PLCL1: variants seen among roughly 807,000 people sequenced by gnomAD.
The protein encoded by PLCL1 is inactive phospholipase C-like protein 1.
In PLCL1, 41 loss-of-function variants were observed where a neutral mutation model predicts 84.4. The ratio of observed to expected loss-of-function variants is 0.49; its 90% confidence interval spans 0.38 to 0.63. The LOEUF (loss-of-function observed/expected upper bound fraction) is 0.63, where lower values mean the gene tolerates loss of function less well. Ranked by LOEUF, PLCL1 falls within the 30% of genes least tolerant of loss-of-function variation. PLCL1 has a pLI of 0.00. For synonymous variants in PLCL1, 490 were observed against 488.3 expected, an observed-to-expected ratio of 1.00 and a Z score of -0.05; for missense variants, 1,206 against 1,367.8, an observed-to-expected ratio of 0.88 and a Z score of 1.87.
At chr2:198,058,850 G>A (rs1159939067) in intron 1 of PLCL1, among the ~76,000 whole-genome samples, 2 of 152,060 alleles carry the variant, frequency 1.3e-5, no homozygotes, top group African/African-American at 4.8e-5. Flanking sequence ...TCAGGCTGAA[G>A]ACAGAATTAA....
At position 197,810,353 on chromosome 2, in the gene PLCL1, G is replaced by C. The variant is rs1465041687; in HGVS notation, c.240+5014G>C. 16 of 887,336 alleles carry C rather than the reference G, an allele frequency of 1.8e-5. No individual in the cohort carries two copies. The Admixed American group carries it at 3.5e-4, about 20-fold the overall frequency. 55.0% of individuals were successfully genotyped at this position (887,336 alleles called of 1,614,324 possible). A position where few individuals can be genotyped will look rare whatever the true frequency, so the allele number is the denominator to read the frequency against. The stretch of plus-strand genomic sequence containing the variant: ...GAGCTTTGTCTTACTTTGATGAAAG[G>C]TTTTTGAAGTGTCTGTTGATTAGTG... On this transcript the variant is annotated intron_variant, in intron 1 of 5. Coordinates refer to ENST00000428675, the MANE Select transcript of PLCL1 (RefSeq NM_006226.4).
chr2:198,086,280 C>A, intron 2 of PLCL1, 48 bp downstream of exon 2: 1 of 1,272,726 alleles, frequency 7.9e-7, no homozygotes. Flanking sequence ...CTTATTCCTA[C>A]CCGTATAATG....
chr2:197,871,544 C>T (rs1381487808), intron 1 of PLCL1, among the ~76,000 whole-genome samples: 1 of 152,014 alleles, frequency 6.6e-6, no homozygotes, highest in Admixed American at 6.6e-5. Context: ...TTCATTTTCT[C>T]ATGGTTTTGG....
intron 5 of PLCL1, among the ~76,000 whole-genome samples, chr2:198,143,059 G>C (rs1040963155): frequency 1.3e-5 from 2 of 152,026 alleles, no homozygotes; most frequent in South Asian, 2.1e-4. Flanking sequence ...CCTCTGTTTA[G>C]GGAGAATAAG....
chr2:197,881,992 C>T (rs939249365), intron 1 of PLCL1, among the ~76,000 whole-genome samples: 1 of 152,050 alleles, frequency 6.6e-6, no homozygotes, highest in East Asian at 1.9e-4. Context: ...CATAGAACCT[C>T]GTATACATTA....
intron 5 of PLCL1, among the ~76,000 whole-genome samples, chr2:198,144,665 T>C (rs1328377240): frequency 6.6e-6 from 1 of 152,140 alleles, no homozygotes; most frequent in Non-Finnish European, 1.5e-5. Flanking sequence ...ATGGCCCAGA[T>C]AAAAATTGGT....
intron 1 of PLCL1, among the ~76,000 whole-genome samples, chr2:198,032,373 A>G (rs1691450195): frequency 6.6e-6 from 1 of 152,222 alleles, no homozygotes; most frequent in Non-Finnish European, 1.5e-5. Context: ...TGCCATTTTA[A>G]TTAAAGCTTC....
intron 1 of PLCL1, among the ~76,000 whole-genome samples, chr2:197,967,376 T>C (rs1207178739): frequency 6.6e-6 from 1 of 152,152 alleles, no homozygotes; most frequent in East Asian, 1.9e-4. Context: ...TTTGTATTTT[T>C]AGTAGAGATG....
chr2:198,083,361 T>TGA (rs1158785970), intron 1 of PLCL1, among the ~76,000 whole-genome samples: 1 of 152,190 alleles, frequency 6.6e-6, no homozygotes, highest in African/African-American at 2.4e-5. Context: ...GAAAACCTCT[T>TGA]TAGAAAGTTG....
At chr2:197,983,388 C>T (rs1690158604) in intron 1 of PLCL1, among the ~76,000 whole-genome samples, 1 of 151,392 alleles carries the variant, frequency 6.6e-6, no homozygotes, top group South Asian at 2.1e-4. Flanking sequence ...TACCACCACG[C>T]TTGGCTAATT....
At chr2:197,882,764 A>G (rs1020868358) in intron 1 of PLCL1, among the ~76,000 whole-genome samples, 1 of 152,254 alleles carries the variant, frequency 6.6e-6, no homozygotes, top group Non-Finnish European at 1.5e-5. Context: ...TACAGTAAAT[A>G]TAAAACTGCA....
chr2:198,120,224 T>C (rs1001597971), intron 5 of PLCL1, among the ~76,000 whole-genome samples: 3 of 152,002 alleles, frequency 2.0e-5, no homozygotes, highest in African/African-American at 7.2e-5. Context: ...ATTTGTGGGG[T>C]ACATAAGATG....
At chr2:198,004,430 C>T (rs1690678276) in intron 1 of PLCL1, among the ~76,000 whole-genome samples, 3 of 152,130 alleles carry the variant, frequency 2.0e-5, no homozygotes, top group Admixed American at 2.0e-4. Flanking sequence ...ATCTTTATTG[C>T]ATTGACTGTG....
intron 1 of PLCL1, among the ~76,000 whole-genome samples, chr2:197,951,996 T>C (rs1689399407): frequency 6.6e-6 from 1 of 152,184 alleles, no homozygotes; most frequent in Non-Finnish European, 1.5e-5. Context: ...TCTGTCTTTG[T>C]AATAAGCATT....
chr2:198,036,518 GA>G (rs1691553287), intron 1 of PLCL1, among the ~76,000 whole-genome samples: 3 of 152,182 alleles, frequency 2.0e-5, no homozygotes, highest in Admixed American at 1.3e-4. Context: ...GCAGATAAAT[GA>G]GAGTCTATTG....
intron 1 of PLCL1, among the ~76,000 whole-genome samples, chr2:198,035,361 G>C (rs1382294570): frequency 6.6e-6 from 1 of 152,202 alleles, no homozygotes; most frequent in Non-Finnish European, 1.5e-5. Context: ...ATTAGCATAA[G>C]TAGTACCATT....
chr2:197,840,285 G>C (rs1334015815), intron 1 of PLCL1, among the ~76,000 whole-genome samples: 1 of 151,944 alleles, frequency 6.6e-6, no homozygotes, highest in Non-Finnish European at 1.5e-5. Flanking sequence ...CTTTTCCCCT[G>C]TCTGGTCAGG....
intron 1 of PLCL1, among the ~76,000 whole-genome samples, chr2:197,878,035 G>T (rs924552261): frequency 1.3e-5 from 2 of 152,132 alleles, no homozygotes; most frequent in Non-Finnish European, 2.9e-5. Context: ...ACAAGCCTGT[G>T]AAATATGCCT....
At chr2:197,851,042 A>G (rs1371806118) in intron 1 of PLCL1, among the ~76,000 whole-genome samples, 2 of 152,210 alleles carry the variant, frequency 1.3e-5, no homozygotes, top group Non-Finnish European at 2.9e-5. Context: ...CCACAAAGTT[A>G]GGTATATAAG....
Sources: gnomAD v4.1 joint callset for allele counts (sites outside exome capture counted in the v4.1 genomes callset) on GRCh38, gnomAD v4.1.1 for gene constraint, MANE v1.5 for transcripts, NCBI Gene and HGNC (gene_info 2026-07-23, HGNC 2026-07-21) for gene names.